PDZRN4: variants seen among roughly 807,000 people sequenced by gnomAD.
PDZRN4 encodes the protein PDZ domain containing ring finger 4.
A neutral mutation model predicts 99.0 loss-of-function variants in PDZRN4; 70 were observed. The ratio of observed to expected loss-of-function variants is 0.71; its 90% CI spans 0.58 to 0.86. The LOEUF is 0.86. Among genes scored for constraint, PDZRN4 ranks in the 40% least tolerant of loss-of-function variants. The pLI, the probability that PDZRN4 is intolerant of heterozygous loss-of-function variation, is 0.00. For missense variants in PDZRN4, 1,474 were observed against 1,331.2 expected (o/e 1.11, Z -1.67); for synonymous variants, 551 against 501.6 (o/e 1.10, Z -1.32).
intron 3 of PDZRN4, among the ~76,000 whole-genome samples, chr12:41,271,317 G>C (rs556420429): frequency 6.6e-6 from 1 of 152,022 alleles, no homozygotes; most frequent in East Asian, 1.9e-4. Context: ...CTTTCCCTTA[G>C]GTACAAAAAA....
At chr12:41,372,145 GA>G (rs138114012) in intron 3 of PDZRN4, among the ~76,000 whole-genome samples, 30,588 of 151,634 alleles carry the variant, frequency 0.2, 3,396 homozygotes, top group Non-Finnish European at 0.26. Flanking sequence ...ATTAAAGGGG[GA>G]AAAAAAAGAA....
At chr12:41,447,597 T>C (rs1952740090) in intron 3 of PDZRN4, among the ~76,000 whole-genome samples, 1 of 152,148 alleles carries the variant, frequency 6.6e-6, no homozygotes, top group African/African-American at 2.4e-5. Context: ...AGGCATTACA[T>C]AAATGGTAAT....
chr12:41,466,219 C>T (rs981443294), intron 3 of PDZRN4, among the ~76,000 whole-genome samples: 2 of 151,846 alleles, frequency 1.3e-5, no homozygotes, highest in Non-Finnish European at 1.5e-5. Flanking sequence ...GATGTGGGCC[C>T]GCCTATATTG....
At chr12:41,340,218 A>T in intron 3 of PDZRN4, among the ~76,000 whole-genome samples, 1 of 152,090 alleles carries the variant, frequency 6.6e-6, no homozygotes, top group Non-Finnish European at 1.5e-5. Context: ...AATGCAGTAC[A>T]TGTATAGAAT....
chr12:41,446,030 AG>A (rs1160924636), intron 3 of PDZRN4, among the ~76,000 whole-genome samples: 3 of 152,056 alleles, frequency 2.0e-5, no homozygotes, highest in Admixed American at 1.3e-4. Context: ...TAGCCTTAAA[AG>A]GGTTATTATG....
chr12:41,416,142 G>A (rs186986709), intron 3 of PDZRN4, among the ~76,000 whole-genome samples: 6 of 152,182 alleles, frequency 3.9e-5, no homozygotes, highest in Admixed American at 2.6e-4. Flanking sequence ...TTGAAAAAGA[G>A]GATTTGAATT....
At chr12:41,325,813 A>G (rs545265811) in intron 3 of PDZRN4, among the ~76,000 whole-genome samples, 5 of 152,346 alleles carry the variant, frequency 3.3e-5, no homozygotes, top group African/African-American at 9.6e-5. Context: ...ATACACTATG[A>G]TAAGAAATAA....
intron 3 of PDZRN4, among the ~76,000 whole-genome samples, chr12:41,233,304 A>G (rs571062817): frequency 1.8e-4 from 28 of 152,226 alleles, no homozygotes; most frequent in African/African-American, 6.5e-4. Flanking sequence ...GCTGGAGAGG[A>G]TGTGGAGAAA....
At position 41,437,671 on chromosome 12, in the gene PDZRN4, A is replaced by G. The variant is rs1039104174; in HGVS notation, c.844-68785A>G. 3 of 1,084,288 alleles carry G rather than the reference A, an allele frequency of 2.8e-6. No homozygotes were observed. In the South Asian group the frequency reaches 5.7e-5, roughly 21 times the overall value. 67.2% of individuals were successfully genotyped at this position (1,084,288 alleles called of 1,614,324 possible). A position where few individuals can be genotyped will look rare whatever the true frequency, so the allele number is the denominator to read the frequency against. On this transcript the variant is annotated intron_variant, in intron 3 of 9. Coordinates refer to ENST00000402685, the MANE Select transcript of PDZRN4 (RefSeq NM_001164595.2). The stretch of plus-strand genomic sequence containing the variant: ...AGCTGGAATCTGTGTAGTCATGTGC[A>G]CTGATGCAGAGACGGGGGAGTGTTG...
At chr12:41,253,094 C>T (rs1441788305) in intron 3 of PDZRN4, among the ~76,000 whole-genome samples, 1 of 152,222 alleles carries the variant, frequency 6.6e-6, no homozygotes, top group Admixed American at 6.5e-5. Flanking sequence ...TGAGATAAAA[C>T]TGTAGAAATC....
chr12:41,223,079 T>C lies in PDZRN4; in HGVS notation c.843+28891T>C, dbSNP rs184742047. On this transcript the variant is annotated intron_variant, in intron 3 of 9. Coordinates refer to ENST00000402685, the MANE Select transcript of PDZRN4 (RefSeq NM_001164595.2). ...TTTAAATGGCAAAGCTCACAATTAC[T>C]TTTGCACCAGTCTAATATAAAGAAT... is the stretch of plus-strand genomic sequence containing the variant. Among the ~76,000 whole-genome samples, 197 of 152,258 alleles carry C rather than the reference T, an allele frequency of 1.3e-3. 1 individual carries two copies. Among genetic ancestry groups the C allele is most frequent in the African/African-American group, 4.5e-3 (189 of 41,560 alleles).
chr12:41,476,962 T>A (rs1274438812), intron 3 of PDZRN4, among the ~76,000 whole-genome samples: 1 of 152,224 alleles, frequency 6.6e-6, no homozygotes, highest in Non-Finnish European at 1.5e-5. Context: ...TCCCCCACAC[T>A]GTAAGACAAG....
chr12:41,573,138 A>G lies in PDZRN4; in HGVS notation c.2359A>G (p.Ser787Gly), dbSNP rs774224161. 1.2e-6 allele frequency: 2 copies of G among 1,614,166 alleles called. No homozygotes were observed. The highest frequency in any genetic ancestry group is 1.6e-4 in the Middle Eastern group (1 of 6,062). ...CACCCAGTCCTCTTCCGGACAGAGC[A>G]GTAAAGAGTCGACCTCCACCAAAGC... ...AATQSSSGQS[S>G]KESTSTKAKT... Residue 787 changes from serine to glycine, a missense_variant, in exon 10 of 10, where the codon AGT becomes GGT. Transcript: ENST00000402685.
chr12:41,247,503 A>T (rs1047842563), intron 3 of PDZRN4, among the ~76,000 whole-genome samples: 6 of 152,144 alleles, frequency 3.9e-5, no homozygotes, highest in African/African-American at 1.4e-4. Context: ...GGTTCCTTTA[A>T]AATGTTTTAT....
At chr12:41,486,309 A>G (rs1565595403) in intron 3 of PDZRN4, among the ~76,000 whole-genome samples, 1 of 152,176 alleles carries the variant, frequency 6.6e-6, no homozygotes, top group Non-Finnish European at 1.5e-5. Flanking sequence ...ACAGGAAACA[A>G]TGTAACTTGG....
At chr12:41,407,461 C>G (rs1431438156) in intron 3 of PDZRN4, among the ~76,000 whole-genome samples, 1 of 152,122 alleles carries the variant, frequency 6.6e-6, no homozygotes, top group Non-Finnish European at 1.5e-5. Context: ...ACCTAACACT[C>G]TATCATCTGT....
intron 6 of PDZRN4, among the ~76,000 whole-genome samples, chr12:41,553,817 A>AGATACTAATT (rs1939098387): frequency 6.6e-6 from 1 of 152,156 alleles, no homozygotes. Context: ...TAGACAAACT[A>AGATACTAATT]GATACTAATT....
At chr12:41,490,678 T>C (rs1161730678) in intron 3 of PDZRN4, among the ~76,000 whole-genome samples, 2 of 152,174 alleles carry the variant, frequency 1.3e-5, no homozygotes, top group African/African-American at 2.4e-5. Flanking sequence ...GACTCTCTTG[T>C]CTTGAGGCTG....
chr12:41,504,383 T>C (rs754642888), intron 3 of PDZRN4, among the ~76,000 whole-genome samples: 16 of 152,156 alleles, frequency 1.1e-4, no homozygotes, highest in Non-Finnish European at 2.1e-4. Flanking sequence ...TTCACTAAAC[T>C]CAGGGTACAT....
Sources: gnomAD v4.1 joint callset for allele counts (sites outside exome capture counted in the v4.1 genomes callset) on GRCh38, gnomAD v4.1.1 for gene constraint, MANE v1.5 for transcripts, NCBI Gene and HGNC (gene_info 2026-07-23, HGNC 2026-07-21) for gene names.